The following DYNC1I2 variants were observed in gnomAD, a reference collection of about 807,000 sequenced individuals.
DYNC1I2 encodes cytoplasmic dynein 1 intermediate chain 2.
In DYNC1I2, 53 loss-of-function variants were observed where a neutral mutation model predicts 88.6. The observed-to-expected ratio is 0.60, with a 90% CI of 0.48 to 0.75. The LOEUF (loss-of-function observed/expected upper bound fraction) is 0.75. Ranked by LOEUF, DYNC1I2 falls within the 30% of genes least tolerant of loss-of-function variation. The pLI, the probability that DYNC1I2 is intolerant of heterozygous loss-of-function variation, is 0.00. For missense variants in DYNC1I2, 458 were observed against 766.6 expected, an observed-to-expected ratio of 0.60 and a Z score of 4.75; for synonymous variants, 198 against 254.6, an observed-to-expected ratio of 0.78 and a Z score of 2.12.
intron 7 of DYNC1I2, among the ~76,000 whole-genome samples, chr2:171,721,943 T>C (rs1280403797): frequency 2.0e-5 from 3 of 152,208 alleles, no homozygotes; most frequent in African/African-American, 7.2e-5. Flanking sequence ...TCTAAGATAC[T>C]GTATATTACC....
At chr2:171,709,151 G>A (rs1383632846) in intron 5 of DYNC1I2, among the ~76,000 whole-genome samples, 1 of 151,858 alleles carries the variant, frequency 6.6e-6, no homozygotes, top group Non-Finnish European at 1.5e-5. Flanking sequence ...TTTTTATGTA[G>A]ATACTATACT....
chr2:171,690,088 G>A (rs1422352203), intron 1 of DYNC1I2, 59 bp from the exon 2 acceptor site: 1 of 1,108,700 alleles, frequency 9.0e-7, no homozygotes, highest in Non-Finnish European at 1.3e-6. Context: ...TCTCTTCTTG[G>A]AACACTAGTT....
chr2:171,713,476 G>A (rs993210102), intron 6 of DYNC1I2, among the ~76,000 whole-genome samples: 2 of 150,768 alleles, frequency 1.3e-5, no homozygotes, highest in East Asian at 1.9e-4. Flanking sequence ...TGAAACGTTA[G>A]AAAACTAATG....
chr2:171,732,699 G>A (rs532403857), intron 15 of DYNC1I2, among the ~76,000 whole-genome samples: 18 of 152,132 alleles, frequency 1.2e-4, no homozygotes, highest in Non-Finnish European at 1.9e-4. Context: ...TGCAGAATTG[G>A]TGAGATGAAG....
chr2:171,726,050 T>G lies in DYNC1I2; in HGVS notation c.739T>G (p.Tyr247Asp). 13 of 1,586,554 alleles carry G rather than the reference T, an allele frequency of 8.2e-6. No individual in the cohort carries two copies. Among genetic ancestry groups the G allele is most frequent in the Non-Finnish European group, 1.1e-5 (13 of 1,171,290 alleles). ...LSEQINIFFDYSGRDLEDKEG... is the reference protein window; with the variant it reads ...LSEQINIFFDDSGRDLEDKEG... ...TGAGCAGATTAACATCTTCTTTGAC[T>G]ATAGTGGGAGAGATTTGGAAGACAA... Residue 247 changes from tyrosine (Y) to aspartate (D), a missense_variant, in exon 9 of 18, where the codon TAT (tyrosine) becomes GAT (aspartate). By Grantham distance (160) the Tyr-to-Asp change is radical. Around this residue, in one of 5 missense-constraint regions of DYNC1I2, gnomAD observed 203 missense variants for 354.2 expected, o/e 0.57. Transcript: ENST00000397119.
intron 7 of DYNC1I2, among the ~76,000 whole-genome samples, chr2:171,723,181 A>G (rs1688012310): frequency 6.6e-6 from 1 of 152,220 alleles, no homozygotes; most frequent in African/African-American, 2.4e-5. Flanking sequence ...GACACCTGTC[A>G]TTGGAAATGG....
At chr2:171,741,433 A>G (rs967147597) in intron 15 of DYNC1I2, among the ~76,000 whole-genome samples, 30 of 152,088 alleles carry the variant, frequency 2.0e-4, no homozygotes, top group Non-Finnish European at 1.9e-4. Flanking sequence ...CTTCACCAAC[A>G]TTTGTTACTT....
At position 171,713,023 on chromosome 2, in the gene DYNC1I2, C is replaced by A. The variant is rs970109969; in HGVS notation, c.395+197C>A. 1.5e-4 allele frequency among the ~76,000 whole-genome samples: 23 copies of A among 152,118 alleles called. 1 individual carries two copies. The highest frequency in any genetic ancestry group is 5.5e-4 in the African/African-American group (23 of 41,532). ...GTGTGATGTTCTATGTACCCTGAGT[C>A]CATTTAAGTGTCCAAATGTTTAAAA... On this transcript the variant is annotated intron_variant, in intron 6 of 17. Coordinates refer to ENST00000397119, the MANE Select transcript of DYNC1I2 (RefSeq NM_001378.3).
intron 11 of DYNC1I2, 94 bp from the exon 12 acceptor site, chr2:171,727,727 A>G: frequency 8.3e-7 from 1 of 1,198,950 alleles, no homozygotes; most frequent in South Asian, 1.5e-5. Flanking sequence ...CCATACAATG[A>G]AGAAAGAAAT....
chr2:171,739,947 C>G (rs192916573), intron 15 of DYNC1I2, among the ~76,000 whole-genome samples: 7 of 152,194 alleles, frequency 4.6e-5, no homozygotes, highest in Admixed American at 1.3e-4. Context: ...CTCAAGTGAT[C>G]CGCCTGCCTC....
chr2:171,725,598 G>GTTTGT lies in DYNC1I2; in HGVS notation c.512-17_512-16insGTTTT, dbSNP rs1688190368. ...ATTCTGTTTTTTTGTTTTTTTGTTT[G>GTTTGT]TTTTTTTTTTTTTTTTCAGATGAAG... is the stretch of plus-strand genomic sequence containing the variant. On this transcript the variant is annotated intron_variant, in intron 7 of 17. Transcript: ENST00000397119. The GTTTGT allele has an allele frequency of 1.3e-5, 12 of 895,184 alleles. No individual in the cohort carries two copies. Among genetic ancestry groups the GTTTGT allele is most frequent in the South Asian group, 4.6e-5 (2 of 43,012 alleles). The allele number at this position is 895,184 out of a possible 1,614,324, so 55.5% of individuals were successfully genotyped here. A position where few individuals can be genotyped will look rare whatever the true frequency, so the allele number is the denominator to read the frequency against.
chr2:171,696,652 G>A (rs2105478441), intron 3 of DYNC1I2, among the ~76,000 whole-genome samples: 2 of 152,048 alleles, frequency 1.3e-5, no homozygotes, highest in South Asian at 4.1e-4. Context: ...CTCTATATAG[G>A]TAGCTAATTT....
chr2:171,688,802 C>G (rs1685166745), intron 1 of DYNC1I2, among the ~76,000 whole-genome samples: 1 of 152,114 alleles, frequency 6.6e-6, no homozygotes, highest in Non-Finnish European at 1.5e-5. Flanking sequence ...TCAGATTTAA[C>G]AATTGTGCTT....
chr2:171,698,347 C>T (rs1165637160), intron 3 of DYNC1I2, among the ~76,000 whole-genome samples: 1 of 152,110 alleles, frequency 6.6e-6, no homozygotes, highest in Non-Finnish European at 1.5e-5. Context: ...TCATAGTCAC[C>T]TCTAGGCATG....
chr2:171,711,519 A>G (rs912911271), intron 5 of DYNC1I2, among the ~76,000 whole-genome samples: 1 of 152,218 alleles, frequency 6.6e-6, no homozygotes, highest in African/African-American at 2.4e-5. Context: ...GCTCTTACAT[A>G]ATGTAAATGA....
rs945575836 is a variant in DYNC1I2 at position 171,740,757 on chromosome 2, CTCT to C, written c.1537-3287_1537-3285del. Among the ~76,000 whole-genome samples the C allele has an allele frequency of 5.3e-5, 8 of 151,718 alleles. 1 individual carries two copies. Among genetic ancestry groups the C allele is most frequent in the Admixed American group, 4.6e-4 (7 of 15,218 alleles). The stretch of plus-strand genomic sequence containing the variant: ...CACTTTTTTTTTTAGATCACCTTAT[CTCT>C]TCTTTTAAAATAAGTTTCTTTTTAA... On this transcript the variant is annotated intron_variant, in intron 15 of 17. Transcript: ENST00000397119.
intron 15 of DYNC1I2, among the ~76,000 whole-genome samples, chr2:171,738,070 G>A (rs1363988359): frequency 1.3e-5 from 2 of 151,992 alleles, no homozygotes; most frequent in African/African-American, 4.8e-5. Context: ...AGTAGCTAAC[G>A]ACTGTAATTC....
chr2:171,707,956 A>T (rs1330592453), intron 5 of DYNC1I2, among the ~76,000 whole-genome samples: 4 of 152,160 alleles, frequency 2.6e-5, no homozygotes, highest in African/African-American at 9.7e-5. Context: ...TGTTTGTTTT[A>T]GGATCCTGCA....
At chr2:171,699,221 C>T (rs1435899652) in intron 3 of DYNC1I2, among the ~76,000 whole-genome samples, 5 of 151,600 alleles carry the variant, frequency 3.3e-5, no homozygotes, top group Non-Finnish European at 5.9e-5. Context: ...GCAGGAGAAT[C>T]GCTTGAACTC....
Sources: allele counts gnomAD v4.1 joint callset (sites outside exome capture counted in the v4.1 genomes callset), GRCh38; gene constraint gnomAD v4.1.1; regional missense constraint gnomAD v4.1.1; transcripts MANE v1.5; gene names NCBI Gene and HGNC (gene_info 2026-07-23, HGNC 2026-07-21).